DSC3: variants seen among roughly 807,000 people sequenced by gnomAD.
DSC3 encodes the protein desmocollin 3, also known as desmocollin-3.
Under a neutral mutation model 89.5 loss-of-function variants are expected in DSC3, and 97 were observed. The ratio of observed to expected loss-of-function variants is 1.08; its 90% CI spans 0.92 to 1.28. The LOEUF (loss-of-function observed/expected upper bound fraction) is 1.28. DSC3 is among the 50% of genes most tolerant of loss of function. DSC3 has a pLI of 0.00. For synonymous variants in DSC3, 436 were observed against 384.1 expected (o/e 1.14, Z -1.58); for missense variants, 1,199 against 1,085.3 (o/e 1.10, Z -1.47).
intron 1 of DSC3, among the ~76,000 whole-genome samples, chr18:31,040,451 T>C (rs1986095815): frequency 6.6e-6 from 1 of 152,172 alleles, no homozygotes; most frequent in Non-Finnish European, 1.5e-5. Flanking sequence ...AAACTTACAA[T>C]AGTGAGTGAG....
chr18:30,995,646 G>C (rs1984428614), intron 15 of DSC3, among the ~76,000 whole-genome samples: 1 of 152,044 alleles, frequency 6.6e-6, no homozygotes, highest in Non-Finnish European at 1.5e-5. Context: ...TTTTAGAGTA[G>C]AACACAGCCA....
intron 1 of DSC3, among the ~76,000 whole-genome samples, chr18:31,032,500 T>C (rs968491431): frequency 2.0e-5 from 3 of 152,006 alleles, no homozygotes; most frequent in Non-Finnish European, 4.4e-5. Flanking sequence ...TCATTTCTTC[T>C]AACATCAGGA....
chr18:31,018,216 A>G lies in DSC3; in HGVS notation c.1118T>C (p.Ile373Thr), dbSNP rs376270984. 3.9e-5 allele frequency: 63 copies of G among 1,611,924 alleles called. No homozygotes were observed. Among genetic ancestry groups the G allele is most frequent in the African/African-American group, 3.7e-4 (28 of 74,896 alleles). Reference sequence around the variant, plus strand: ...CTTATCTTCTATAGGTATTCGTAAGATTTCCACATTGAATGCATTTTCCTC... The same window carrying G: ...CTTATCTTCTATAGGTATTCGTAAGGTTTCCACATTGAATGCATTTTCCTC... ...FVEENAFNVE[I>T]LRIPIEDKDL... is the part of the protein sequence containing the mutation. Residue 373 changes from isoleucine (I) to threonine (T), a missense_variant, in exon 9 of 16, where the codon ATC becomes ACC. By Grantham distance (89) the Ile-to-Thr change is moderately conservative. Transcript: ENST00000360428.
intron 5 of DSC3, among the ~76,000 whole-genome samples, chr18:31,025,243 A>G (rs998628901): frequency 2.6e-5 from 4 of 152,138 alleles, no homozygotes; most frequent in Non-Finnish European, 5.9e-5. Flanking sequence ...GCTATTGACT[A>G]TAAGCTCATC....
intron 1 of DSC3, among the ~76,000 whole-genome samples, chr18:31,032,741 G>A (rs974160512): frequency 2.6e-5 from 4 of 151,994 alleles, no homozygotes; most frequent in South Asian, 4.2e-4. Flanking sequence ...GATTACAGGC[G>A]CCCGCCACCA....
rs143103648 is a variant in DSC3, at chr18:30,999,083, G to A, written c.2236-2035C>T. Reference sequence around the variant, plus strand: ...TAACTTAATACTGGAACTTCACTCCGACCCTCTGAGCCATAGGACAGAAGT... The same window carrying A: ...TAACTTAATACTGGAACTTCACTCCAACCCTCTGAGCCATAGGACAGAAGT... On this transcript the variant is annotated intron_variant, in intron 14 of 15. Transcript: ENST00000360428. Among the ~76,000 whole-genome samples the A allele has an allele frequency of 7.9e-5, 12 of 152,222 alleles. No homozygotes were observed. The South Asian group carries it at 8.3e-4, about 11-fold the overall frequency.
rs752923110 is a variant in DSC3, at chr18:30,996,900, GC to G, written c.2383del (p.Ala795LeufsTer85). ...GNQTLESCRGAGHHHTLDSCR... is the reference protein window; with the variant it reads ...GNQTLESCRGXGHHHTLDSCR... ...GGAGTCCAGGGTATGATGATGCCCA[GC>G]CCCCCGGCAGGATTCCAAGGTCTGG... On this transcript the variant is annotated frameshift_variant, in exon 15 of 16. Transcript: ENST00000360428. LOFTEE classifies it high-confidence loss of function. 3.1e-6 allele frequency: 5 copies of G among 1,613,842 alleles called. No homozygotes were observed. Among genetic ancestry groups the G allele is most frequent in the Non-Finnish European group, 3.4e-6 (4 of 1,179,984 alleles).
chr18:31,020,460 A>G (rs909555796), intron 7 of DSC3, among the ~76,000 whole-genome samples: 5 of 152,114 alleles, frequency 3.3e-5, no homozygotes, highest in African/African-American at 9.7e-5. Context: ...AAAAAATGAA[A>G]TTTTGCAGAT....
chr18:31,030,542 A>G (rs1200534460), intron 3 of DSC3, among the ~76,000 whole-genome samples: 1 of 152,186 alleles, frequency 6.6e-6, no homozygotes, highest in Non-Finnish European at 1.5e-5. Flanking sequence ...CCAGTGCACA[A>G]AAGACAATAG....
chr18:31,042,583 C>T lies in DSC3; in HGVS notation c.69+9G>A, dbSNP rs1337129566. The T allele has an allele frequency of 3.9e-6, 6 of 1,550,190 alleles. No homozygotes were observed. Among genetic ancestry groups the T allele is most frequent in the African/African-American group, 1.4e-5 (1 of 73,044 alleles). Reference sequence around the variant, plus strand: ...CCACCCCAGCCCTATCCGGCGAGATCTGGCTTACCACGAGGGTCAGCAGCA... The same window carrying T: ...CCACCCCAGCCCTATCCGGCGAGATTTGGCTTACCACGAGGGTCAGCAGCA... On this transcript the variant is annotated intron_variant, in intron 1 of 15. Transcript: ENST00000360428.
rs547932043 is a variant in DSC3, at chr18:31,034,332, A to G, written c.70-2056T>C. On this transcript the variant is annotated intron_variant, in intron 1 of 15. Transcript: ENST00000360428. ...TAGGGAAATGGTAATCTAAACCACAATGCAATACCTATTTGCTAGGATAAC... is the reference window on the plus strand; with the variant it reads ...TAGGGAAATGGTAATCTAAACCACAGTGCAATACCTATTTGCTAGGATAAC... Among the ~76,000 whole-genome samples, 8 of 152,316 alleles carry G rather than the reference A, an allele frequency of 5.3e-5. 1 individual carries two copies. Among genetic ancestry groups the G allele is most frequent in the South Asian group, 2.1e-4 (1 of 4,830 alleles).
At chr18:31,002,024 A>C (rs923310843) in intron 13 of DSC3, among the ~76,000 whole-genome samples, 1 of 152,212 alleles carries the variant, frequency 6.6e-6, no homozygotes, top group Admixed American at 6.5e-5. Flanking sequence ...AAGAAAAAAA[A>C]TCACTGACAT....
At chr18:30,999,449 GA>G (rs35559189) in intron 14 of DSC3, among the ~76,000 whole-genome samples, 18,763 of 141,302 alleles carry the variant, frequency 0.13, 1,513 homozygotes, top group African/African-American at 0.23. Context: ...TACAAAAAAG[GA>G]AAAAAAAAAA....
In DSC3 at chr18:30,996,984, A is replaced by G; in HGVS notation, c.2300T>C (p.Met767Thr). ...CCCTCCATTTTTCATTCCTGATCCC[A>G]TAGTACCACAAAAACCTTGGCTAGA... is the stretch of plus-strand genomic sequence containing the variant. ...NNSSQGFCGTMGSGMKNGGQE... is the reference protein window; with the variant it reads ...NNSSQGFCGTTGSGMKNGGQE... Residue 767 changes from methionine (M) to threonine (T), a missense_variant, in exon 15 of 16, where the codon ATG becomes ACG. Coordinates refer to ENST00000360428, the MANE Select transcript of DSC3 (RefSeq NM_001941.5). The G allele has an allele frequency of 1.9e-6, 3 of 1,614,140 alleles. No homozygotes were observed. The highest frequency in any genetic ancestry group is 2.5e-6 in the Non-Finnish European group (3 of 1,180,026).
Position 31,001,700 on chromosome 18 carries a change from G to C in DSC3, c.2153C>G (p.Thr718Ser). The stretch of plus-strand genomic sequence containing the variant: ...ATCTTCAGGAAAACGTTTCCCTTTA[G>C]TTGCACCAAAAACTCCACATACTAA... ...LTLVCGVFGATKGKRFPEDLA... is the reference protein window; with the variant it reads ...LTLVCGVFGASKGKRFPEDLA... The change falls in exon 14 of 16, where the codon ACT becomes AGT. Residue 718 changes from threonine to serine, a missense_variant. Thr to Ser is a moderately conservative substitution (Grantham distance 58). Transcript: ENST00000360428. The C allele has an allele frequency of 1.9e-6, 3 of 1,609,420 alleles. No individual in the cohort carries two copies. Among genetic ancestry groups the C allele is most frequent in the Non-Finnish European group, 2.5e-6 (3 of 1,177,792 alleles).
In DSC3 at chr18:31,019,112, C is replaced by T. The variant is rs1898492; in HGVS notation, c.943-312G>A. On this transcript the variant is annotated intron_variant, in intron 7 of 15. Transcript: ENST00000360428. ...ATATTTGAGTTTTGTTTTGTTTTGT[C>T]TTGAGACGGAGTCTCATACCGTCAC... 0.046 allele frequency among the ~76,000 whole-genome samples: 6,980 copies of T among 152,272 alleles called. 525 individuals carry two copies. The highest frequency in any genetic ancestry group is 0.16 in the African/African-American group (6,616 of 41,520).
At chr18:31,011,931 GA>G (rs369310412) in intron 9 of DSC3, among the ~76,000 whole-genome samples, 366 of 28,416 alleles carry the variant, frequency 0.013, 1 homozygote, top group Middle Eastern at 0.062. Flanking sequence ...CCAAAAAAAA[GA>G]AAAAAAAAAA....
intron 4 of DSC3, among the ~76,000 whole-genome samples, chr18:31,027,467 C>A (rs1385919534): frequency 6.7e-6 from 1 of 148,166 alleles, no homozygotes; most frequent in Non-Finnish European, 1.5e-5. Context: ...GCATTGGTTT[C>A]CTTCCTTCCT....
intron 14 of DSC3, 113 bp from the exon 15 acceptor site, chr18:30,997,161 T>C: frequency 7.8e-7 from 1 of 1,288,458 alleles, no homozygotes; most frequent in Non-Finnish European, 1.1e-6. Flanking sequence ...CATTCATTCA[T>C]TCATTCAACA....
Sources: gnomAD v4.1 joint callset for allele counts (sites outside exome capture counted in the v4.1 genomes callset) on GRCh38, gnomAD v4.1.1 for gene constraint, MANE v1.5 for transcripts, NCBI Gene and HGNC (gene_info 2026-07-23, HGNC 2026-07-21) for gene names.